The following SPAG4 variants were observed in gnomAD, a reference collection of about 807,000 sequenced individuals.
The protein encoded by SPAG4 is sperm associated antigen 4.
SPAG4 carries 54 observed loss-of-function variants against 53.9 expected under a neutral mutation model. That is an observed-to-expected ratio of 1.00 (90% CI 0.80 to 1.26). The LOEUF is 1.26. SPAG4 is among the 50% of genes most tolerant of loss of function. The pLI, the probability that SPAG4 is intolerant of heterozygous loss-of-function variation, is 0.00. For synonymous variants in SPAG4, 246 were observed against 237.4 expected, an observed-to-expected ratio of 1.04 and a Z score of -0.33; for missense variants, 548 against 568.6, an observed-to-expected ratio of 0.96 and a Z score of 0.37.
At position 35,616,319 on chromosome 20, in the gene SPAG4, G is replaced by GT; in HGVS notation, c.304+13dup. The GT allele has an allele frequency of 6.9e-7, 1 of 1,459,820 alleles. No homozygotes were observed. Among genetic ancestry groups the GT allele is most frequent in the South Asian group, 1.4e-5 (1 of 69,344 alleles). The allele number at this position is 1,459,820 out of a possible 1,614,324, so 90.4% of individuals were successfully genotyped here. On this transcript the variant is annotated intron_variant, in intron 1 of 11. Transcript: ENST00000374273. Reference sequence around the variant, plus strand: ...GGGCGGGGCCTCGGGTGCGGGCGGGGTCGACCCCGGGTGAGCCAGTGGAGG... The same window carrying GT: ...GGGCGGGGCCTCGGGTGCGGGCGGGGTTCGACCCCGGGTGAGCCAGTGGAGG...
intron 7 of SPAG4, 49 bp from the exon 8 acceptor site, chr20:35,618,874 A>G (rs1215427113): frequency 7.0e-6 from 11 of 1,573,110 alleles, no homozygotes; most frequent in Admixed American, 1.7e-5. Context: ...CACCTGTAAA[A>G]GCAGCCCGCA....
Position 35,617,470 on chromosome 20 carries a change from C to T in SPAG4, c.410-50C>T. ...ACCCGGACACCACGCAGGCTGAGCCCCGCCTCTCCCTGCCGTGGGCCCCTC... is the reference window on the plus strand; with the variant it reads ...ACCCGGACACCACGCAGGCTGAGCCTCGCCTCTCCCTGCCGTGGGCCCCTC... On this transcript the variant is annotated intron_variant, in intron 2 of 11. Coordinates refer to ENST00000374273, the MANE Select transcript of SPAG4 (RefSeq NM_003116.3). 5 of 1,520,044 alleles carry T rather than the reference C, an allele frequency of 3.3e-6. No individual in the cohort carries two copies. The Admixed American group carries it at 7.8e-5, about 24-fold the overall frequency. 94.2% of individuals were successfully genotyped at this position (1,520,044 alleles called of 1,614,324 possible).
intron 6 of SPAG4, 67 bp downstream of exon 6, chr20:35,618,542 C>A: frequency 1.2e-6 from 2 of 1,605,050 alleles, no homozygotes; most frequent in Non-Finnish European, 1.7e-6. Flanking sequence ...ACCTTGAAGG[C>A]GTGGGGGCCT....
At chr20:35,620,658 TC>T (rs2031547895) in intron 10 of SPAG4, 25 bp from the exon 11 acceptor site, 1 of 790,148 alleles carries the variant, frequency 1.3e-6, no homozygotes, top group Non-Finnish European at 2.0e-6. Flanking sequence ...CCCTCATAGT[TC>T]CTCCTTTCAT....
intron 1 of SPAG4, 140 bp from the exon 2 acceptor site, chr20:35,616,996 A>AT (rs1418919128): frequency 1.8e-4 from 113 of 626,814 alleles, no homozygotes; most frequent in Middle Eastern, 1.1e-3. Context: ...TGGAGCCGGG[A>AT]TAGGGCTGCG....
chr20:35,615,893 C>A lies in SPAG4; in HGVS notation c.-111C>A. 1 of 1,078,910 alleles carries A rather than the reference C, an allele frequency of 9.3e-7. No homozygotes were observed. Among genetic ancestry groups the A allele is most frequent in the Non-Finnish European group, 1.3e-6 (1 of 775,728 alleles). The allele number at this position is 1,078,910 out of a possible 1,614,324, so 66.8% of individuals were successfully genotyped here. A position where few individuals can be genotyped will look rare whatever the true frequency, so the allele number is the denominator to read the frequency against. On this transcript the variant is annotated 5_prime_UTR_variant, in exon 1 of 12. Transcript: ENST00000374273. ...GTGCGGCCGCGGGGCCTGCCGACTT[C>A]ACGCAGGGTCCGTGGGGTCCCCGCG...
chr20:35,616,683 G>T (rs1228684446), intron 1 of SPAG4, among the ~76,000 whole-genome samples: 1 of 149,212 alleles, frequency 6.7e-6, no homozygotes, highest in Non-Finnish European at 1.5e-5. Flanking sequence ...CCCATGCCAT[G>T]CAATGGCATG....
At chr20:35,620,553 T>C in intron 10 of SPAG4, 131 bp from the exon 11 acceptor site, 1 of 659,528 alleles carries the variant, frequency 1.5e-6, no homozygotes, top group East Asian at 2.6e-5. Context: ...TGTACGACCA[T>C]CAAAAAATAC....
At chr20:35,620,646 C>G in intron 10 of SPAG4, 38 bp from the exon 11 acceptor site, 1 of 498,346 alleles carries the variant, frequency 2.0e-6, no homozygotes, top group Non-Finnish European at 3.6e-6. Context: ...CCCCACCTGT[C>G]CCCCTCATAG....
chr20:35,619,644 G>A lies in SPAG4; in HGVS notation c.975G>A (p.Leu325=). The change falls in exon 10 of 12, where the codon CTG becomes CTA. Residue 325 remains leucine, a synonymous_variant. Coordinates refer to ENST00000374273, the MANE Select transcript of SPAG4 (RefSeq NM_003116.3). ...ACCAAGGCCAGGTGGTGATCCAACT[G>A]CCGGGCCGAGTGCAGCTGAGCGACA... is the stretch of plus-strand genomic sequence containing the variant. ...EGDQGQVVIQ[L]PGRVQLSDIT... 6.2e-7 allele frequency: 1 copy of A among 1,614,060 alleles called. No homozygotes were observed. Among genetic ancestry groups the A allele is most frequent in the Non-Finnish European group, 8.5e-7 (1 of 1,180,018 alleles).
In SPAG4 at chr20:35,616,194, C is replaced by T; in HGVS notation, c.191C>T (p.Ala64Val). The change falls in exon 1 of 12, where the codon GCG (alanine) becomes GTG (valine). Residue 64 changes from alanine to valine, a missense_variant. Ala to Val is a moderately conservative substitution (Grantham distance 64). Transcript: ENST00000374273. Reference sequence around the variant, plus strand: ...AGCTGCGGTGAGCCCGCCTTGAGCGCGGGAGTGCCCGGAGGAACCACATGG... The same window carrying T: ...AGCTGCGGTGAGCCCGCCTTGAGCGTGGGAGTGCCCGGAGGAACCACATGG... ...GPSCGEPALS[A>V]GVPGGTTWAG... The T allele has an allele frequency of 1.3e-6, 2 of 1,587,608 alleles. No homozygotes were observed.
intron 9 of SPAG4, 69 bp from the exon 10 acceptor site, chr20:35,619,510 G>A (rs2031502717): frequency 6.3e-7 from 1 of 1,579,496 alleles, no homozygotes; most frequent in Non-Finnish European, 8.6e-7. Context: ...GTCGAGCTGA[G>A]GCCCGGGCTG....
intron 7 of SPAG4, 70 bp from the exon 8 acceptor site, chr20:35,618,853 G>A: frequency 6.7e-7 from 1 of 1,503,388 alleles, no homozygotes. Flanking sequence ...CCAGCTCCCA[G>A]AGGTCCCGTC....
intron 9 of SPAG4, 24 bp from the exon 10 acceptor site, chr20:35,619,555 G>A (rs2031505447): frequency 6.2e-7 from 1 of 1,606,260 alleles, no homozygotes; most frequent in Non-Finnish European, 8.5e-7. Context: ...CGACGGTTCC[G>A]ATGGTCCCTC....
intron 1 of SPAG4, 46 bp from the exon 2 acceptor site, chr20:35,617,090 G>T (rs1239621625): frequency 1.6e-6 from 2 of 1,281,144 alleles, no homozygotes; most frequent in East Asian, 2.5e-5. Flanking sequence ...GGGGAAAATA[G>T]GTCTGTGGTC....
Position 35,618,099 on chromosome 20 carries a change from G to T in SPAG4, c.551G>T (p.Gly184Val), listed in dbSNP as rs1330950032. The change falls in exon 5 of 12, where the codon GGG becomes GTG. Residue 184 changes from glycine to valine, a missense_variant. By Grantham distance (109) the Gly-to-Val change is moderately radical (BLOSUM62 -3). Transcript: ENST00000374273. ...LSLFLSAFWL[G>V]LLYLVSPLEN... Reference sequence around the variant, plus strand: ...TCTCTTTCTCCAGCATTCTGGCTGGGGCTTCTGTACCTGGTCTCTCCTTTG... The same window carrying T: ...TCTCTTTCTCCAGCATTCTGGCTGGTGCTTCTGTACCTGGTCTCTCCTTTG... 4 of 1,613,638 alleles carry T rather than the reference G, an allele frequency of 2.5e-6. No homozygotes were observed. The highest frequency in any genetic ancestry group is 1.3e-5 in the African/African-American group (1 of 74,864).
At chr20:35,616,885 C>A in intron 1 of SPAG4, 1 of 510,436 alleles carries the variant, frequency 2.0e-6, no homozygotes. Flanking sequence ...CCGCCTCGGC[C>A]TCCCAAATCG....
At position 35,617,227 on chromosome 20, in the gene SPAG4, C is replaced by G. The variant is rs1158094826; in HGVS notation, c.396C>G (p.Phe132Leu). Residue 132 changes from phenylalanine to leucine, a missense_variant, in exon 2 of 12, where the codon TTC (phenylalanine) becomes TTG (leucine). Coordinates refer to ENST00000374273, the MANE Select transcript of SPAG4 (RefSeq NM_003116.3). Reference sequence around the variant, plus strand: ...AGGAGATGCCTCCCCCGCGGGTGTTCAAGAGCTTTCTGAGTACGGGCCAGG... The same window carrying G: ...AGGAGATGCCTCCCCCGCGGGTGTTGAAGAGCTTTCTGAGTACGGGCCAGG... ...LRQEMPPPRV[F>L]KSFLSLLFQG... 1.3e-6 allele frequency: 2 copies of G among 1,598,282 alleles called. No homozygotes were observed. The highest frequency in any genetic ancestry group is 4.5e-5 in the East Asian group (2 of 44,192).
rs186853084 is a variant in SPAG4 at position 35,618,006 on chromosome 20, G to A, written c.539-81G>A. The A allele has an allele frequency of 5.7e-5, 86 of 1,496,406 alleles. 1 individual carries two copies. The Admixed American group carries it at 1.2e-3, about 21-fold the overall frequency. The allele number at this position is 1,496,406 out of a possible 1,614,324, so 92.7% of individuals were successfully genotyped here. ...TCCTCCCCAGGCTTAACCCCCTCAAGCCTCTTTCCACTGTCCCCCTATGCC... is the reference window on the plus strand; with the variant it reads ...TCCTCCCCAGGCTTAACCCCCTCAAACCTCTTTCCACTGTCCCCCTATGCC... On this transcript the variant is annotated intron_variant, in intron 4 of 11. Transcript: ENST00000374273.
Sources: gnomAD v4.1 joint callset for allele counts (sites outside exome capture counted in the v4.1 genomes callset) on GRCh38, gnomAD v4.1.1 for gene constraint, MANE v1.5 for transcripts, NCBI Gene and HGNC (gene_info 2026-07-23, HGNC 2026-07-21) for gene names.